USP45: variants seen among roughly 807,000 people sequenced by gnomAD.
USP45 encodes ubiquitin carboxyl-terminal hydrolase 45.
A neutral mutation model predicts 95.8 loss-of-function variants in USP45; 89 were observed. The ratio of observed to expected loss-of-function variants is 0.93; its 90% CI spans 0.78 to 1.11. The LOEUF is 1.11. Ranked by LOEUF, USP45 falls within the 50% of genes least tolerant of loss-of-function variation. The pLI is 0.00. For missense variants in USP45, 898 were observed against 942.5 expected, an observed-to-expected ratio of 0.95 and a Z score of 0.62; for synonymous variants, 281 against 316.2, an observed-to-expected ratio of 0.89 and a Z score of 1.18.
intron 13 of USP45, among the ~76,000 whole-genome samples, chr6:99,447,013 T>C (rs1782684383): frequency 6.6e-6 from 1 of 152,204 alleles, no homozygotes; most frequent in Non-Finnish European, 1.5e-5. Flanking sequence ...CAAAGGAGAC[T>C]TTTCAGTTAC....
At chr6:99,501,816 G>A in intron 5 of USP45, 2 of 864,758 alleles carry the variant, frequency 2.3e-6, no homozygotes, top group Non-Finnish European at 3.1e-6. Flanking sequence ...ATATAATAAA[G>A]GATCTGGCTG....
upstream of USP45, chr6:99,515,487 C>A (rs1397704914): frequency 6.6e-6 from 1 of 152,184 alleles, no homozygotes; most frequent in African/African-American, 2.4e-5. Context: ...TCGCCCGCCC[C>A]CAGCCAGGAC....
intron 15 of USP45, among the ~76,000 whole-genome samples, chr6:99,442,776 G>A (rs1377977471): frequency 6.6e-6 from 1 of 152,138 alleles, no homozygotes; most frequent in Non-Finnish European, 1.5e-5. Context: ...GAACCCAGGA[G>A]TTGGAGGTTG....
chr6:99,458,248 G>A (rs540923849), intron 13 of USP45, among the ~76,000 whole-genome samples: 3 of 152,176 alleles, frequency 2.0e-5, no homozygotes, highest in South Asian at 2.1e-4. Context: ...CTCCATCTCC[G>A]GACCTTGGGA....
At chr6:99,486,289 C>T (rs1583308315) in intron 7 of USP45, among the ~76,000 whole-genome samples, 2 of 152,140 alleles carry the variant, frequency 1.3e-5, no homozygotes, top group African/African-American at 2.4e-5. Context: ...TTCAAAATTA[C>T]CCTGTTAGAA....
intron 14 of USP45, among the ~76,000 whole-genome samples, chr6:99,445,419 G>C (rs1032145736): frequency 1.3e-4 from 20 of 151,352 alleles, no homozygotes; most frequent in African/African-American, 4.9e-4. Flanking sequence ...GGAGGTGGAG[G>C]TTGCAGTGAG....
intron 8 of USP45, among the ~76,000 whole-genome samples, chr6:99,477,958 G>GTATA (rs1791289998): frequency 6.6e-6 from 1 of 152,162 alleles, no homozygotes; most frequent in Non-Finnish European, 1.5e-5. Context: ...TACTTATGCT[G>GTATA]TATACTCCAA....
chr6:99,477,409 T>G (rs1232123451), intron 8 of USP45, among the ~76,000 whole-genome samples: 1 of 152,172 alleles, frequency 6.6e-6, no homozygotes, highest in African/African-American at 2.4e-5. Flanking sequence ...GTTCAAGCAA[T>G]TCTCCTGCCT....
At chr6:99,517,634 G>T (rs1202301759), upstream of USP45, among the ~76,000 whole-genome samples, 1 of 139,918 alleles carries the variant, frequency 7.1e-6, no homozygotes, top group South Asian at 2.3e-4. Flanking sequence ...TAGTAGACAA[G>T]GTTTCACCAT....
At chr6:99,495,512 G>C (rs1796107422) in intron 5 of USP45, among the ~76,000 whole-genome samples, 1 of 152,142 alleles carries the variant, frequency 6.6e-6, no homozygotes, top group Non-Finnish European at 1.5e-5. Context: ...CCCCATTTTA[G>C]AACTGAAGCA....
At chr6:99,459,573 A>G (rs1240959704) in intron 13 of USP45, among the ~76,000 whole-genome samples, 2 of 152,188 alleles carry the variant, frequency 1.3e-5, no homozygotes, top group African/African-American at 4.8e-5. Flanking sequence ...TGCTTTCTGC[A>G]ACGGTTGAAC....
At chr6:99,443,125 G>A (rs9494463) in intron 15 of USP45, among the ~76,000 whole-genome samples, 21,437 of 152,010 alleles carry the variant, frequency 0.14, 1,584 homozygotes, top group Non-Finnish European at 0.16. Context: ...GCTGAGGCAG[G>A]AGAATTGCTT....
chr6:99,495,879 A>G (rs1185186871), intron 5 of USP45, among the ~76,000 whole-genome samples: 1 of 152,190 alleles, frequency 6.6e-6, no homozygotes, highest in Non-Finnish European at 1.5e-5. Flanking sequence ...ACATCTCCCT[A>G]TGTATCTGGA....
At chr6:99,472,696 C>T (rs1212659733) in intron 9 of USP45, among the ~76,000 whole-genome samples, 1 of 152,170 alleles carries the variant, frequency 6.6e-6, no homozygotes, top group Non-Finnish European at 1.5e-5. Context: ...CCTGTTCCCA[C>T]CGTGCCAACA....
chr6:99,482,763 G>C lies in USP45; in HGVS notation c.835C>G (p.Leu279Val). ...TGTAGATGCACCCACTTCTGACAAA[G>C]CTGATTAAAAAGAACTTTAGGAGAA... Reference protein sequence around the residue: ...PLSPKVLFNQLCQKAPRFKDF... With the variant: ...PLSPKVLFNQVCQKAPRFKDF... Residue 279 changes from leucine (L) to valine (V), a missense_variant, in exon 8 of 18, where the codon CTT becomes GTT. Transcript: ENST00000500704. 1 of 1,599,854 alleles carries C rather than the reference G, an allele frequency of 6.3e-7. No homozygotes were observed.
chr6:99,469,484 A>ATG (rs1788814630), intron 9 of USP45, among the ~76,000 whole-genome samples: 1 of 8,818 alleles, frequency 1.1e-4, no homozygotes, highest in Admixed American at 2.4e-3. Context: ...ATATATATAT[A>ATG]TATTTTTTTT....
rs781494266 is a variant in USP45 at position 99,464,576 on chromosome 6, G to A, written c.1308+28C>T. ...TTTGTTAATAAACTGTTAAAAAACA[G>A]ACGTCTAACAGATGCTTATGGTCTT... On this transcript the variant is annotated intron_variant, in intron 13 of 17. Transcript: ENST00000500704. The A allele has an allele frequency of 1.3e-5, 21 of 1,590,130 alleles. 1 individual carries two copies. In the South Asian group the frequency reaches 2.4e-4, roughly 18 times the overall value.
intron 5 of USP45, among the ~76,000 whole-genome samples, chr6:99,496,584 G>C (rs1186566949): frequency 1.3e-5 from 2 of 152,014 alleles, no homozygotes; most frequent in Non-Finnish European, 2.9e-5. Flanking sequence ...CATTGGTTTA[G>C]AAAAGAACAT....
chr6:99,503,699 A>C, intron 5 of USP45, 66 bp downstream of exon 5: 1 of 1,082,246 alleles, frequency 9.2e-7, no homozygotes, highest in Non-Finnish European at 1.3e-6. Context: ...ATTCTTTATG[A>C]ATTTATGAAC....
Sources: gnomAD v4.1 joint callset for allele counts (sites outside exome capture counted in the v4.1 genomes callset) on GRCh38, gnomAD v4.1.1 for gene constraint, MANE v1.5 for transcripts, NCBI Gene and HGNC (gene_info 2026-07-23, HGNC 2026-07-21) for gene names.